NUP153: variants seen among roughly 807,000 people sequenced by gnomAD.
NUP153 encodes nuclear pore complex protein Nup153.
Under a neutral mutation model 134.6 loss-of-function variants are expected in NUP153, and 27 were observed. The ratio of observed to expected loss-of-function variants is 0.20; its 90% CI spans 0.15 to 0.28. NUP153 has a LOEUF of 0.28. NUP153 is among the 10% of genes least tolerant of loss of function. The pLI is 1.00. For missense variants in NUP153, 1,821 were observed against 1,731.3 expected (o/e 1.05, Z -0.92); for synonymous variants, 640 against 623.5 (o/e 1.03, Z -0.40).
chr6:17,644,073 A>G (rs150955067), intron 14 of NUP153, among the ~76,000 whole-genome samples: 2,183 of 152,268 alleles, frequency 0.014, 21 homozygotes, highest in South Asian at 0.028. Context: ...ATAAGGTTGC[A>G]AACATACCAG....
At chr6:17,697,548 G>A (rs917201605) in intron 1 of NUP153, among the ~76,000 whole-genome samples, 2 of 152,132 alleles carry the variant, frequency 1.3e-5, no homozygotes, top group Non-Finnish European at 2.9e-5. Context: ...TTAGCCAGGC[G>A]TGGTGGCAGG....
intron 14 of NUP153, among the ~76,000 whole-genome samples, chr6:17,641,677 C>G (rs1377772273): frequency 1.3e-5 from 2 of 152,058 alleles, no homozygotes; most frequent in African/African-American, 4.8e-5. Context: ...CATGGTGAAA[C>G]CCCGTTTCTA....
rs1334643572 is a variant in NUP153, at chr6:17,706,140, C to T, written c.111+137G>A. 4.3e-6 allele frequency: 3 copies of T among 690,356 alleles called. No homozygotes were observed. The highest frequency in any genetic ancestry group is 3.6e-5 in the African/African-American group (2 of 54,914). The allele number at this position is 690,356 out of a possible 1,614,324, so 42.8% of individuals were successfully genotyped here. A position where few individuals can be genotyped will look rare whatever the true frequency, so the allele number is the denominator to read the frequency against. ...CCGTCGCCACCCCCAACGGCCTGAG[C>T]TCCCCCGGAGCCTCACTCGGGCCTT... On this transcript the variant is annotated intron_variant, in intron 1 of 21. Coordinates refer to ENST00000262077, the MANE Select transcript of NUP153 (RefSeq NM_005124.4). The surrounding 1 kb of genome is among the most constrained non-coding windows in gnomAD (Gnocchi z 5.9).
At position 17,706,274 on chromosome 6, in the gene NUP153, T is replaced by C. The variant is rs369699661; in HGVS notation, c.111+3A>G. Reference sequence around the variant, plus strand: ...AGGCCACCGCGGCGTCGGGGTCCCATACCTGATGCTGTTGTCGCCCCTGCT... The same window carrying C: ...AGGCCACCGCGGCGTCGGGGTCCCACACCTGATGCTGTTGTCGCCCCTGCT... On this transcript the variant is annotated splice_donor_region_variant and intron_variant, in intron 1 of 21. Transcript: ENST00000262077. This position sits in a 1 kb window ranked among gnomAD's most constrained non-coding sequence, Gnocchi z 5.9. The C allele has an allele frequency of 5.0e-5, 81 of 1,610,174 alleles. No individual in the cohort carries two copies. The highest frequency in any genetic ancestry group is 1.8e-4 in the South Asian group (16 of 91,014).
chr6:17,706,492 G>T lies in NUP153; in HGVS notation c.-105C>A. ...CCCGCCGCCCGGCCCCGGCCCAAAAGTCCGCCCGCGCTGTCCACACAGTGG... is the reference window on the plus strand; with the variant it reads ...CCCGCCGCCCGGCCCCGGCCCAAAATTCCGCCCGCGCTGTCCACACAGTGG... On this transcript the variant is annotated 5_prime_UTR_variant, in exon 1 of 22. Coordinates refer to ENST00000262077, the MANE Select transcript of NUP153 (RefSeq NM_005124.4). This position sits in a 1 kb window ranked among gnomAD's most constrained non-coding sequence, Gnocchi z 5.9. 1.3e-6 allele frequency: 1 copy of T among 799,296 alleles called. No individual in the cohort carries two copies. The highest frequency in any genetic ancestry group is 2.0e-6 in the Non-Finnish European group (1 of 510,906). The allele number at this position is 799,296 out of a possible 1,614,324, so 49.5% of individuals were successfully genotyped here.
chr6:17,619,816 G>A (rs1038202398), intron 20 of NUP153, among the ~76,000 whole-genome samples: 5 of 151,886 alleles, frequency 3.3e-5, no homozygotes, highest in Non-Finnish European at 7.4e-5. Flanking sequence ...AAACATATCC[G>A]GCCAGGCGCT....
At chr6:17,689,129 T>TA (rs1561907027) in intron 1 of NUP153, among the ~76,000 whole-genome samples, 1 of 151,966 alleles carries the variant, frequency 6.6e-6, no homozygotes, top group Non-Finnish European at 1.5e-5. Context: ...TTCATGCCTG[T>TA]AATCCTAGCA....
intron 5 of NUP153, among the ~76,000 whole-genome samples, chr6:17,672,762 T>C (rs1239779851): frequency 6.6e-6 from 1 of 152,150 alleles, no homozygotes; most frequent in Non-Finnish European, 1.5e-5. Context: ...GAGGATTGCT[T>C]GAGCCCAGCA....
At chr6:17,695,406 T>C (rs1769571224) in intron 1 of NUP153, among the ~76,000 whole-genome samples, 1 of 152,204 alleles carries the variant, frequency 6.6e-6, no homozygotes, top group South Asian at 2.1e-4. Flanking sequence ...GACCTGTTAT[T>C]CTAATTAAGG....
chr6:17,621,608 C>A (rs1347493301), intron 20 of NUP153, among the ~76,000 whole-genome samples: 1 of 152,212 alleles, frequency 6.6e-6, no homozygotes, highest in Non-Finnish European at 1.5e-5. Context: ...CACAAAGACA[C>A]ATATTCAATG....
At chr6:17,671,727 C>T (rs932011364) in intron 5 of NUP153, among the ~76,000 whole-genome samples, 2 of 152,180 alleles carry the variant, frequency 1.3e-5, no homozygotes, top group African/African-American at 2.4e-5. Context: ...TCAATCATGG[C>T]TGGGCATGCT....
At position 17,624,628 on chromosome 6, in the gene NUP153, G is replaced by C. The variant is rs1480703959; in HGVS notation, c.4107C>G (p.Ser1369Arg). The C allele has an allele frequency of 6.2e-7, 1 of 1,614,056 alleles. No homozygotes were observed. Among genetic ancestry groups the C allele is most frequent in the Non-Finnish European group, 8.5e-7 (1 of 1,180,026 alleles). Residue 1369 changes from serine to arginine, a missense_variant, in exon 20 of 22, where the codon AGC (serine) becomes AGG (arginine). Coordinates refer to ENST00000262077, the MANE Select transcript of NUP153 (RefSeq NM_005124.4). ...GTTGCTGTCCAAACACAGGGGGCTGGCTACTGCTTGACACTGTCCCAAAAG... is the reference window on the plus strand; with the variant it reads ...GTTGCTGTCCAAACACAGGGGGCTGCCTACTGCTTGACACTGTCCCAAAAG... ...PPTFGTVSSSSQPPVFGQQPS... is the reference protein window; with the variant it reads ...PPTFGTVSSSRQPPVFGQQPS...
chr6:17,617,875 A>G (rs919845469), intron 20 of NUP153, among the ~76,000 whole-genome samples: 17 of 152,016 alleles, frequency 1.1e-4, no homozygotes, highest in Admixed American at 9.8e-4. Flanking sequence ...GAAAAAAAAG[A>G]TGGTAATTCT....
At chr6:17,678,229 G>A (rs1413153357) in intron 2 of NUP153, among the ~76,000 whole-genome samples, 4 of 151,548 alleles carry the variant, frequency 2.6e-5, no homozygotes, top group Non-Finnish European at 5.9e-5. Flanking sequence ...GGTGGCACAC[G>A]CCTGTAATTC....
Position 17,675,517 on chromosome 6 carries a change from A to T in NUP153, c.583+5T>A. On this transcript the variant is annotated splice_donor_5th_base_variant and intron_variant, in intron 3 of 21. Coordinates refer to ENST00000262077, the MANE Select transcript of NUP153 (RefSeq NM_005124.4). The surrounding 1 kb of genome is among the most constrained non-coding windows in gnomAD (Gnocchi z 4.4). ...AAATTATGTACTACCACATGTCAAGAATACCTTTATCAGAAGCTCTTGAAG... is the reference window on the plus strand; with the variant it reads ...AAATTATGTACTACCACATGTCAAGTATACCTTTATCAGAAGCTCTTGAAG... 1 of 1,613,818 alleles carries T rather than the reference A, an allele frequency of 6.2e-7. No homozygotes were observed. The highest frequency in any genetic ancestry group is 8.5e-7 in the Non-Finnish European group (1 of 1,179,718).
chr6:17,660,671 C>A (rs980740183), intron 11 of NUP153, among the ~76,000 whole-genome samples: 1 of 151,948 alleles, frequency 6.6e-6, no homozygotes, highest in Non-Finnish European at 1.5e-5. Context: ...CCAAAAAACA[C>A]ACAAAAGGAT....
At chr6:17,648,350 C>T (rs1324461152) in intron 12 of NUP153, among the ~76,000 whole-genome samples, 5 of 152,132 alleles carry the variant, frequency 3.3e-5, no homozygotes, top group Admixed American at 6.5e-5. Flanking sequence ...GGAGTGGGGG[C>T]TCACGCTTGT....
intron 1 of NUP153, among the ~76,000 whole-genome samples, chr6:17,692,374 A>C (rs1769334150): frequency 3.3e-5 from 5 of 152,128 alleles, no homozygotes; most frequent in Non-Finnish European, 7.4e-5. Context: ...TATTAGCTAG[A>C]ACTGTGGCAC....
intron 20 of NUP153, among the ~76,000 whole-genome samples, chr6:17,617,045 G>T (rs1764372251): frequency 6.6e-6 from 1 of 152,092 alleles, no homozygotes; most frequent in Non-Finnish European, 1.5e-5. Flanking sequence ...CACTGCACCC[G>T]GCCGCAACAT....
Sources: gnomAD v4.1 joint callset for allele counts (sites outside exome capture counted in the v4.1 genomes callset) on GRCh38, gnomAD v4.1.1 for gene constraint, Gnocchi (gnomAD v3.1) non-coding constraint, MANE v1.5 for transcripts, NCBI Gene and HGNC (gene_info 2026-07-23, HGNC 2026-07-21) for gene names.